Variants in MAPK10 observed in about 807,000 individuals in gnomAD.
MAPK10 encodes JNK3 alpha protein kinase.
A neutral mutation model predicts 59.3 loss-of-function variants in MAPK10; 25 were observed. The observed-to-expected ratio is 0.42, with a 90% CI of 0.31 to 0.59. MAPK10 has a LOEUF of 0.59. MAPK10 is among the 20% of genes least tolerant of loss of function. MAPK10 has a pLI of 0.15. For missense variants in MAPK10, 351 were observed against 568.9 expected, an observed-to-expected ratio of 0.62 and a Z score of 3.90; for synonymous variants, 190 against 200.5, an observed-to-expected ratio of 0.95 and a Z score of 0.44.
chr4:86,209,461 C>G (rs562137161), intron 2 of MAPK10, among the ~76,000 whole-genome samples: 6 of 152,118 alleles, frequency 3.9e-5, no homozygotes, highest in Admixed American at 3.3e-4. Context: ...CTCGCAATTT[C>G]TAGGCTAATC....
intron 1 of MAPK10, among the ~76,000 whole-genome samples, chr4:86,472,749 G>A (rs2149066687): frequency 6.6e-6 from 1 of 152,274 alleles, no homozygotes; most frequent in East Asian, 1.9e-4. Context: ...AGGAAAATAG[G>A]GTCTGGAGGC....
At chr4:86,516,107 C>T (rs895513965) in intron 1 of MAPK10, among the ~76,000 whole-genome samples, 1 of 152,070 alleles carries the variant, frequency 6.6e-6, no homozygotes, top group African/African-American at 2.4e-5. Context: ...TGTGGCTTGC[C>T]AATTATCCCA....
At chr4:86,453,278 T>G (rs1245042453), upstream of MAPK10, 1 of 152,268 alleles carries the variant, frequency 6.6e-6, no homozygotes, top group Admixed American at 6.5e-5. Context: ...ATGAATCCAG[T>G]GTGCAGACTC....
chr4:86,455,333 G>T (rs1021699117), upstream of MAPK10, among the ~76,000 whole-genome samples: 7 of 152,084 alleles, frequency 4.6e-5, no homozygotes, highest in African/African-American at 1.4e-4. Flanking sequence ...CCATCTAAAA[G>T]ACACGGAATT....
chr4:86,576,999 T>C (rs1353794996), intron 1 of MAPK10, among the ~76,000 whole-genome samples: 1 of 152,194 alleles, frequency 6.6e-6, no homozygotes, highest in Non-Finnish European at 1.5e-5. Flanking sequence ...TCCAACATTA[T>C]ATTTAGTATA....
intron 1 of MAPK10, among the ~76,000 whole-genome samples, chr4:86,567,326 T>G (rs899930163): frequency 3.3e-5 from 5 of 152,082 alleles, no homozygotes; most frequent in African/African-American, 1.2e-4. Flanking sequence ...GTTCAAGCGA[T>G]TCTCCTGCCT....
At chr4:86,327,213 T>C (rs2096045932) in intron 2 of MAPK10, 2 of 151,288 alleles carry the variant, frequency 1.3e-5, no homozygotes, top group Admixed American at 1.3e-4. Context: ...GGGCTCAAGA[T>C]ATCCCCCTAC....
intron 1 of MAPK10, among the ~76,000 whole-genome samples, chr4:86,402,764 C>T (rs1369952917): frequency 2.6e-5 from 4 of 152,076 alleles, no homozygotes; most frequent in African/African-American, 9.7e-5. Flanking sequence ...AAGGAAGACT[C>T]AAAAGGCCAT....
At chr4:86,118,856 C>A (rs1253843819) in intron 4 of MAPK10, among the ~76,000 whole-genome samples, 4 of 152,182 alleles carry the variant, frequency 2.6e-5, no homozygotes, top group Middle Eastern at 6.8e-3. Flanking sequence ...CCTGGCAAAC[C>A]AAATTCTTTA....
At chr4:86,502,907 A>T (rs1170230321) in intron 1 of MAPK10, among the ~76,000 whole-genome samples, 1 of 152,068 alleles carries the variant, frequency 6.6e-6, no homozygotes, top group African/African-American at 2.4e-5. Context: ...TGTGAGGCTT[A>T]TTCTGTGTGG....
intron 1 of MAPK10, among the ~76,000 whole-genome samples, chr4:86,578,500 A>T (rs1762047638): frequency 6.6e-6 from 1 of 152,076 alleles, no homozygotes; most frequent in African/African-American, 2.4e-5. Context: ...CAAAGACATA[A>T]CCTGAGATGG....
intron 3 of MAPK10, among the ~76,000 whole-genome samples, chr4:86,176,820 G>A (rs1460762): frequency 0.03 from 4,566 of 151,902 alleles, 98 homozygotes; most frequent in Middle Eastern, 0.054. Flanking sequence ...AAATCTCTGT[G>A]ATTTATTTCA....
At chr4:86,049,687 G>A (rs2043156349) in intron 11 of MAPK10, among the ~76,000 whole-genome samples, 1 of 152,006 alleles carries the variant, frequency 6.6e-6, no homozygotes, top group African/African-American at 2.4e-5. Flanking sequence ...TATTAGACAG[G>A]ACATTTCATG....
intron 2 of MAPK10, among the ~76,000 whole-genome samples, chr4:86,281,029 C>A (rs921428005): frequency 6.6e-6 from 1 of 151,932 alleles, no homozygotes; most frequent in Non-Finnish European, 1.5e-5. Flanking sequence ...TCATTCATAC[C>A]CCAAACCTCA....
At chr4:86,240,583 G>A (rs892529834) in intron 2 of MAPK10, among the ~76,000 whole-genome samples, 2 of 151,870 alleles carry the variant, frequency 1.3e-5, no homozygotes, top group Non-Finnish European at 1.5e-5. Flanking sequence ...TCCCTTTATC[G>A]TTATGTAATG....
intron 2 of MAPK10, among the ~76,000 whole-genome samples, chr4:86,293,327 T>C (rs2095276385): frequency 6.6e-6 from 1 of 152,188 alleles, no homozygotes; most frequent in South Asian, 2.1e-4. Context: ...CTAATAATTA[T>C]GAAAAGGAAG....
At chr4:86,215,786 C>T (rs959472144) in intron 2 of MAPK10, among the ~76,000 whole-genome samples, 3 of 152,030 alleles carry the variant, frequency 2.0e-5, no homozygotes, top group African/African-American at 4.8e-5. Flanking sequence ...CGCTTGAACC[C>T]GGGAGGCGGA....
At chr4:86,232,918 A>ATGGT (rs61306391) in intron 2 of MAPK10, among the ~76,000 whole-genome samples, 36,876 of 137,648 alleles carry the variant, frequency 0.27, 5,387 homozygotes, top group African/African-American at 0.52. Flanking sequence ...GTATGGAGGT[A>ATGGT]TGTCATGGTC....
chr4:86,079,174 C>T (rs2050133902), intron 9 of MAPK10, among the ~76,000 whole-genome samples: 1 of 151,924 alleles, frequency 6.6e-6, no homozygotes. Flanking sequence ...AATTATAAGC[C>T]AAAACACATC....
Sources: gnomAD v4.1 joint callset for allele counts (sites outside exome capture counted in the v4.1 genomes callset) on GRCh38, gnomAD v4.1.1 for gene constraint, MANE v1.5 for transcripts, NCBI Gene and HGNC (gene_info 2026-07-23, HGNC 2026-07-21) for gene names.